The following UPP2 variants were observed in gnomAD, a reference collection of about 807,000 sequenced individuals.
UPP2 encodes the protein uridine phosphorylase 2.
Under a neutral mutation model 26.7 loss-of-function variants are expected in UPP2, and 23 were observed. The observed-to-expected ratio is 0.86, with a 90% CI of 0.62 to 1.22. The LOEUF (loss-of-function observed/expected upper bound fraction) is 1.22. Ranked by LOEUF, UPP2 falls within the 50% of genes most tolerant of loss-of-function variation. UPP2 has a pLI of 0.00. For synonymous variants in UPP2, 127 were observed against 141.3 expected (o/e 0.90, Z 0.72); for missense variants, 387 against 396.7 (o/e 0.98, Z 0.21).
intron 2 of UPP2, among the ~76,000 whole-genome samples, chr2:158,109,952 G>A (rs574619163): frequency 6.6e-6 from 1 of 152,242 alleles, no homozygotes; most frequent in Admixed American, 6.5e-5. Context: ...TACAGAATGT[G>A]GGTAGAGTGC....
chr2:158,090,107 G>A (rs1339159217), intron 3 of UPP2, among the ~76,000 whole-genome samples: 1 of 152,020 alleles, frequency 6.6e-6, no homozygotes, highest in Non-Finnish European at 1.5e-5. Context: ...TAACTAAAAG[G>A]GTGGAATTGG....
intron 3 of UPP2, among the ~76,000 whole-genome samples, chr2:158,018,262 AAGGGTGCAC>A (rs1683692147): frequency 6.6e-6 from 1 of 152,254 alleles, no homozygotes; most frequent in Non-Finnish European, 1.5e-5. Context: ...AATATCTAGT[AAGGGTGCAC>A]TTGTTTACAG....
At chr2:157,995,369 T>G in intron 2 of UPP2, 1 of 1,217,268 alleles carries the variant, frequency 8.2e-7, no homozygotes, top group Non-Finnish European at 1.2e-6. Context: ...GTTTTCCACA[T>G]TTCAGCTTCC....
upstream of UPP2, among the ~76,000 whole-genome samples, chr2:158,098,027 A>G (rs1297957375): frequency 6.6e-6 from 1 of 152,180 alleles, no homozygotes; most frequent in Admixed American, 6.5e-5. Flanking sequence ...GTGAGGAAAA[A>G]TAAAGATTTT....
chr2:158,123,722 C>T (rs889636109), intron 5 of UPP2, 27 bp from the exon 6 acceptor site: 11 of 1,606,566 alleles, frequency 6.8e-6, no homozygotes, highest in Non-Finnish European at 9.4e-6. Context: ...GACATCAAGT[C>T]ACTAAACGTT....
upstream of UPP2, among the ~76,000 whole-genome samples, chr2:158,097,957 G>C (rs542099602): frequency 4.7e-4 from 71 of 152,162 alleles, no homozygotes; most frequent in African/African-American, 1.6e-3. Flanking sequence ...TGGGGAATGG[G>C]AGTTAGAGTA....
In UPP2 at chr2:158,074,224, C is replaced by T. The variant is rs1682589700; in HGVS notation, c.148-27816C>T. Among the ~76,000 whole-genome samples, 4 of 152,030 alleles carry T rather than the reference C, an allele frequency of 2.6e-5. No homozygotes were observed. In the South Asian group the frequency reaches 8.3e-4, roughly 32 times the overall value. On this transcript the variant is annotated intron_variant, in intron 3 of 9. Coordinates refer to the UPP2 transcript ENST00000605860. ...ACAGAAAAGAAAGAAAATACATCAT[C>T]TGAAGATAGAAAACTCACTGGTAAT... is the stretch of plus-strand genomic sequence containing the variant.
intron 3 of UPP2, among the ~76,000 whole-genome samples, chr2:158,050,291 C>T (rs981488603): frequency 1.4e-4 from 22 of 152,086 alleles, no homozygotes; most frequent in African/African-American, 4.3e-4. Context: ...GTGTGAGAGG[C>T]ATTAGCAACT....
intron 6 of UPP2, among the ~76,000 whole-genome samples, chr2:158,131,682 G>T (rs1287728339): frequency 2.0e-5 from 3 of 152,142 alleles, no homozygotes; most frequent in Non-Finnish European, 4.4e-5. Flanking sequence ...CTTGGTGGCA[G>T]CTGGGTCACT....
rs7424394 is a variant in UPP2 at position 158,064,590 on chromosome 2, A to C, written c.148-37450A>C. The stretch of plus-strand genomic sequence containing the variant: ...TTGCTGTGCAGAAGCTCTTTAGTTT[A>C]ATTAGATCCCATTTGTCAATTTTGG... On this transcript the variant is annotated intron_variant, in intron 3 of 9. Coordinates refer to the UPP2 transcript ENST00000605860. 4.4e-3 allele frequency among the ~76,000 whole-genome samples: 674 copies of C among 152,202 alleles called. 2 individuals carry two copies. The highest frequency in any genetic ancestry group is 0.015 in the African/African-American group (609 of 41,556).
chr2:158,007,829 T>G (rs535182551), intron 2 of UPP2, among the ~76,000 whole-genome samples: 35 of 152,264 alleles, frequency 2.3e-4, no homozygotes, highest in Admixed American at 1.9e-3. Context: ...CTTGAACTCC[T>G]GACCTCGTGA....
chr2:158,032,048 G>C (rs756017160), intron 3 of UPP2, among the ~76,000 whole-genome samples: 3 of 152,156 alleles, frequency 2.0e-5, no homozygotes, highest in Non-Finnish European at 4.4e-5. Context: ...TCCCAGGAGA[G>C]AGCTGCCGGA....
chr2:158,098,831 G>A (rs1202339339), upstream of UPP2, among the ~76,000 whole-genome samples: 2 of 152,180 alleles, frequency 1.3e-5, no homozygotes, highest in African/African-American at 4.8e-5. Context: ...TGCGTATACT[G>A]AGAAAGACTG....
intron 2 of UPP2, among the ~76,000 whole-genome samples, chr2:157,997,151 T>A (rs116267876): frequency 6.6e-6 from 1 of 152,196 alleles, no homozygotes; most frequent in Non-Finnish European, 1.5e-5. Context: ...CTTGTCTGAT[T>A]ATTAGATCAA....
chr2:158,004,260 G>C (rs772038925), intron 2 of UPP2, among the ~76,000 whole-genome samples: 1 of 151,840 alleles, frequency 6.6e-6, no homozygotes, highest in African/African-American at 2.4e-5. Flanking sequence ...AACAATCATC[G>C]TCGGGGGATG....
intron 3 of UPP2, among the ~76,000 whole-genome samples, chr2:158,028,757 G>A (rs981807718): frequency 3.3e-5 from 5 of 152,188 alleles, no homozygotes; most frequent in African/African-American, 9.7e-5. Context: ...GAGAGGCCTC[G>A]GAATCATGAC....
At chr2:158,105,134 G>C (rs181663507) in intron 1 of UPP2, among the ~76,000 whole-genome samples, 1 of 151,882 alleles carries the variant, frequency 6.6e-6, no homozygotes, top group Admixed American at 6.6e-5. Flanking sequence ...ACTGTGGTGT[G>C]GGGGTAGATA....
rs188307680 is a variant in UPP2, at chr2:158,088,159, T to C, written c.148-13881T>C. Among the ~76,000 whole-genome samples the C allele has an allele frequency of 2.4e-3, 365 of 152,330 alleles. 3 individuals are homozygous for C. Among genetic ancestry groups the C allele is most frequent in the Non-Finnish European group, 9.1e-4 (62 of 68,034 alleles). ...GCCATTTAACACAATCCCGTACTTC[T>C]TGGAGGCATTATTCATTTTTTAAAA... On this transcript the variant is annotated intron_variant, in intron 3 of 9. Transcript: ENST00000605860.
chr2:158,119,255 T>C (rs1258655533), intron 4 of UPP2, among the ~76,000 whole-genome samples: 1 of 152,006 alleles, frequency 6.6e-6, no homozygotes. Flanking sequence ...GGTGCTCCAA[T>C]GATCATCCAG....
Sources: gnomAD v4.1 joint callset for allele counts (sites outside exome capture counted in the v4.1 genomes callset) on GRCh38, gnomAD v4.1.1 for gene constraint, MANE v1.5 for transcripts, NCBI Gene and HGNC (gene_info 2026-07-23, HGNC 2026-07-21) for gene names.